Variants in ARB2A observed in about 807,000 individuals in gnomAD.
ARB2A encodes the protein cotranscriptional regulator ARB2A.
At chr5:93,958,785 C>A in the ARB2A span, 1 of 1,522,258 alleles carries the variant, frequency 6.6e-7, no homozygotes, top group South Asian at 1.4e-5. Flanking sequence ...ACAGCCACAG[C>A]TCTTTTAATA....
At chr5:93,990,220 A>G in the ARB2A span, among the ~76,000 whole-genome samples, 57 of 152,282 alleles carry the variant, frequency 3.7e-4, no homozygotes, top group East Asian at 0.011. Context: ...AAATTTTATC[A>G]TGTCTCAGAG....
the ARB2A span, among the ~76,000 whole-genome samples, chr5:93,693,139 A>T: frequency 3.9e-5 from 6 of 152,230 alleles, no homozygotes; most frequent in Non-Finnish European, 1.5e-5. Flanking sequence ...CACAATTAAA[A>T]GAACTAGAGA....
At chr5:93,760,151 T>G in the ARB2A span, among the ~76,000 whole-genome samples, 36 of 152,142 alleles carry the variant, frequency 2.4e-4, no homozygotes, top group Middle Eastern at 3.4e-3. Flanking sequence ...TTAAAATAGC[T>G]GCAAAAAACA....
the ARB2A span, among the ~76,000 whole-genome samples, chr5:93,710,256 TTTAG>T: frequency 6.6e-6 from 1 of 152,292 alleles, no homozygotes; most frequent in South Asian, 2.1e-4. Context: ...TTTAAAAATT[TTTAG>T]TTAGTTGCAA....
the ARB2A span, among the ~76,000 whole-genome samples, chr5:93,833,419 G>A: frequency 3.3e-5 from 5 of 152,058 alleles, no homozygotes; most frequent in East Asian, 5.8e-4. Flanking sequence ...ATTTATAAAA[G>A]CAAAACTTTG....
At chr5:93,997,365 T>C in the ARB2A span, among the ~76,000 whole-genome samples, 1 of 152,060 alleles carries the variant, frequency 6.6e-6, no homozygotes, top group Non-Finnish European at 1.5e-5. Flanking sequence ...TTCTAAGAAC[T>C]GGATGAAAAG....
chr5:94,077,132 T>C, the ARB2A span, among the ~76,000 whole-genome samples: 1 of 151,826 alleles, frequency 6.6e-6, no homozygotes, highest in Non-Finnish European at 1.5e-5. Context: ...CCCAGCACTT[T>C]CGGAGGCTGA....
chr5:94,075,515 G>T, the ARB2A span, among the ~76,000 whole-genome samples: 4 of 151,934 alleles, frequency 2.6e-5, no homozygotes, highest in African/African-American at 9.7e-5. Context: ...TTTTCCTAAA[G>T]TTTAAAAGGA....
the ARB2A span, among the ~76,000 whole-genome samples, chr5:93,812,917 A>C: frequency 6.6e-6 from 1 of 152,194 alleles, no homozygotes; most frequent in Non-Finnish European, 1.5e-5. Flanking sequence ...GATTTAGAAG[A>C]GGCCATGAGG....
At chr5:93,750,807 G>A in the ARB2A span, among the ~76,000 whole-genome samples, 2 of 152,116 alleles carry the variant, frequency 1.3e-5, no homozygotes, top group Non-Finnish European at 2.9e-5. Flanking sequence ...TAACAGGCAT[G>A]AGCCATCATA....
At chr5:93,857,246 T>C in the ARB2A span, among the ~76,000 whole-genome samples, 16 of 152,166 alleles carry the variant, frequency 1.1e-4, no homozygotes, top group African/African-American at 3.1e-4. Context: ...AGGGACCCAC[T>C]TGAGGAGGCA....
the ARB2A span, among the ~76,000 whole-genome samples, chr5:93,630,291 T>G: frequency 6.6e-6 from 1 of 151,984 alleles, no homozygotes; most frequent in African/African-American, 2.4e-5. Context: ...CGTGATGGGG[T>G]GTGCACGGAG....
At chr5:93,792,829 AC>A in the ARB2A span, among the ~76,000 whole-genome samples, 1 of 151,956 alleles carries the variant, frequency 6.6e-6, no homozygotes, top group Non-Finnish European at 1.5e-5. Flanking sequence ...GTGCACCTGT[AC>A]CCTAAAACTT....
chr5:93,753,137 T>G, the ARB2A span, among the ~76,000 whole-genome samples: 1 of 152,218 alleles, frequency 6.6e-6, no homozygotes, highest in Non-Finnish European at 1.5e-5. Context: ...GTATAGATTT[T>G]CAATTACCTG....
At chr5:93,784,859 G>A in the ARB2A span, among the ~76,000 whole-genome samples, 1 of 152,120 alleles carries the variant, frequency 6.6e-6, no homozygotes, top group Non-Finnish European at 1.5e-5. Context: ...GTTAGTACCC[G>A]GGGTTCACTG....
the ARB2A span, among the ~76,000 whole-genome samples, chr5:93,868,810 C>G: frequency 3.3e-5 from 5 of 152,164 alleles, no homozygotes; most frequent in Non-Finnish European, 7.3e-5. Flanking sequence ...TTAGAATAAA[C>G]TACTGTATAG....
the ARB2A span, among the ~76,000 whole-genome samples, chr5:93,785,727 TATATA>T: frequency 1.3e-5 from 2 of 152,178 alleles, no homozygotes; most frequent in Non-Finnish European, 2.9e-5. Flanking sequence ...GTTTTCTGCT[TATATA>T]ATATAAAAAT....
the ARB2A span, chr5:93,683,148 G>A: frequency 4.1e-6 from 6 of 1,446,596 alleles, no homozygotes; most frequent in African/African-American, 2.8e-5. Flanking sequence ...TTCTTCACTG[G>A]CGCTTTTTCT....
the ARB2A span, among the ~76,000 whole-genome samples, chr5:94,093,884 C>A: frequency 6.6e-6 from 1 of 152,098 alleles, no homozygotes; most frequent in African/African-American, 2.4e-5. Flanking sequence ...GTGGGACAGG[C>A]AAACAATAGA....
Sources: allele counts gnomAD v4.1 joint callset (sites outside exome capture counted in the v4.1 genomes callset), GRCh38; gene constraint gnomAD v4.1.1; transcripts MANE v1.5; gene names NCBI Gene and HGNC (gene_info 2026-07-23, HGNC 2026-07-21).